The following CFAP20DC variants were observed in gnomAD, a reference collection of about 807,000 sequenced individuals.
The protein encoded by CFAP20DC is CFAP20 domain containing, also known as protein CFAP20DC.
Under a neutral mutation model 101.7 loss-of-function variants are expected in CFAP20DC, and 84 were observed. That is an observed-to-expected ratio of 0.83 (90% CI 0.69 to 0.99). The LOEUF is 0.99. Ranked by LOEUF, CFAP20DC falls within the 50% of genes least tolerant of loss-of-function variation. CFAP20DC has a pLI of 0.00. For missense variants in CFAP20DC, 1,007 were observed against 970.3 expected, an observed-to-expected ratio of 1.04 and a Z score of -0.50; for synonymous variants, 359 against 351.2, an observed-to-expected ratio of 1.02 and a Z score of -0.25.
chr3:58,811,171 C>G (rs891884117), intron 14 of CFAP20DC, among the ~76,000 whole-genome samples: 2 of 152,078 alleles, frequency 1.3e-5, no homozygotes, highest in Non-Finnish European at 2.9e-5. Context: ...ATCAAGCTAC[C>G]AATGACTTTC....
intron 6 of CFAP20DC, among the ~76,000 whole-genome samples, chr3:58,891,422 GGGGAGA>G (rs200945396): frequency 0.87 from 115,081 of 132,476 alleles, 49,835 homozygotes; most frequent in East Asian, 0.93. Context: ...GGGAGACCGT[GGGGAGA>G]GGGAGAGGGA....
At chr3:59,038,732 C>T (rs1268457004) in intron 4 of CFAP20DC, among the ~76,000 whole-genome samples, 30 of 151,884 alleles carry the variant, frequency 2.0e-4, no homozygotes, top group Admixed American at 2.0e-3. Flanking sequence ...AGATGGTGAA[C>T]TTGATTAATA....
At chr3:58,723,025 G>T in intron 3 of CFAP20DC, among the ~76,000 whole-genome samples, 1 of 152,180 alleles carries the variant, frequency 6.6e-6, no homozygotes, top group Non-Finnish European at 1.5e-5. Context: ...CTGATCACCC[G>T]AAATACTAGT....
intron 4 of CFAP20DC, among the ~76,000 whole-genome samples, chr3:58,976,699 G>A (rs137942634): frequency 3.3e-5 from 5 of 152,302 alleles, no homozygotes; most frequent in South Asian, 4.1e-4. Context: ...TCTGTGTGGA[G>A]TCCATACATT....
downstream of CFAP20DC, among the ~76,000 whole-genome samples, chr3:58,717,195 C>A (rs116698613): frequency 6.6e-6 from 1 of 151,884 alleles, no homozygotes; most frequent in Admixed American, 6.6e-5. The surrounding 1 kb of genome is among the most constrained non-coding windows in gnomAD (Gnocchi z 4.1). Context: ...TGCCTGCAAA[C>A]TAAATTATAA....
At chr3:59,045,843 G>A (rs974469255) in intron 3 of CFAP20DC, among the ~76,000 whole-genome samples, 4 of 151,950 alleles carry the variant, frequency 2.6e-5, no homozygotes, top group African/African-American at 7.2e-5. Context: ...GCCCTGATGA[G>A]GAACCAACCT....
chr3:58,807,875 T>C (rs1469607482), intron 14 of CFAP20DC, among the ~76,000 whole-genome samples: 8 of 152,164 alleles, frequency 5.3e-5, no homozygotes, highest in African/African-American at 1.7e-4. Flanking sequence ...TTAAAGGAGC[T>C]GATGGAGCTG....
At chr3:58,870,348 G>A in intron 7 of CFAP20DC, 39 bp from the exon 8 acceptor site, 6 of 1,593,394 alleles carry the variant, frequency 3.8e-6, no homozygotes, top group Non-Finnish European at 5.2e-6. Flanking sequence ...TCCATTAATG[G>A]GTGTAATGAC....
Position 58,742,264 on chromosome 3 carries a change from T to C in CFAP20DC, c.*196A>G. 8.7e-7 allele frequency: 1 copy of C among 1,146,170 alleles called. No individual in the cohort carries two copies. Among genetic ancestry groups the C allele is most frequent in the Non-Finnish European group, 1.1e-6 (1 of 929,908 alleles). The allele number at this position is 1,146,170 out of a possible 1,614,324, so 71.0% of individuals were successfully genotyped here. ...TGCCTCTGTATTAATTTCTTCAGTT[T>C]CAAAATCATACTCATCTACAAAAGG... On this transcript the variant is annotated 3_prime_UTR_variant, in exon 17 of 17. Transcript: ENST00000482387.
chr3:58,801,476 G>C (rs1667383099), intron 15 of CFAP20DC, among the ~76,000 whole-genome samples: 1 of 152,122 alleles, frequency 6.6e-6, no homozygotes, highest in African/African-American at 2.4e-5. Flanking sequence ...GTTTTAAAAT[G>C]AGCGAAACTT....
intron 3 of CFAP20DC, among the ~76,000 whole-genome samples, chr3:59,040,971 T>C (rs1699323833): frequency 6.6e-6 from 1 of 152,060 alleles, no homozygotes; most frequent in African/African-American, 2.4e-5. Flanking sequence ...TCTAGAAATC[T>C]GACTTTACCA....
chr3:58,934,891 C>G (rs1407354110), intron 5 of CFAP20DC, among the ~76,000 whole-genome samples: 1 of 152,188 alleles, frequency 6.6e-6, no homozygotes, highest in African/African-American at 2.4e-5. Context: ...CTCACCACTC[C>G]TATTCAACAT....
At chr3:58,816,952 C>T (rs2075223302) in intron 14 of CFAP20DC, among the ~76,000 whole-genome samples, 1 of 152,186 alleles carries the variant, frequency 6.6e-6, no homozygotes, top group South Asian at 2.1e-4. Context: ...TGAGAACCAG[C>T]AGACTGCCTC....
intron 3 of CFAP20DC, among the ~76,000 whole-genome samples, chr3:58,725,059 A>T (rs1315159194): frequency 6.6e-6 from 1 of 152,242 alleles, no homozygotes; most frequent in Non-Finnish European, 1.5e-5. Flanking sequence ...CTTGGTATGT[A>T]GCAGTATTCT....
intron 4 of CFAP20DC, among the ~76,000 whole-genome samples, chr3:58,965,648 A>G (rs1419033556): frequency 1.3e-5 from 2 of 152,206 alleles, no homozygotes; most frequent in Non-Finnish European, 2.9e-5. Context: ...AACTTTTTAA[A>G]ATAATTTAAT....
At chr3:58,910,302 T>C (rs2084017922) in intron 6 of CFAP20DC, among the ~76,000 whole-genome samples, 1 of 152,318 alleles carries the variant, frequency 6.6e-6, no homozygotes, top group Non-Finnish European at 1.5e-5. Context: ...ATCTTCGAGA[T>C]ATTTTCTGAG....
At chr3:58,883,909 A>G (rs2081404165) in intron 7 of CFAP20DC, among the ~76,000 whole-genome samples, 1 of 152,238 alleles carries the variant, frequency 6.6e-6, no homozygotes, top group African/African-American at 2.4e-5. Context: ...AGTACTACTC[A>G]TTAATTTGGT....
At chr3:58,990,419 T>G (rs2092902084) in intron 4 of CFAP20DC, among the ~76,000 whole-genome samples, 1 of 152,222 alleles carries the variant, frequency 6.6e-6, no homozygotes, top group African/African-American at 2.4e-5. Flanking sequence ...ACACTGCATC[T>G]ACTGCTGCTG....
intron 12 of CFAP20DC, among the ~76,000 whole-genome samples, chr3:58,860,113 G>A (rs976187492): frequency 2.0e-5 from 3 of 148,176 alleles, no homozygotes; most frequent in Non-Finnish European, 4.4e-5. Context: ...GGAGTCGGAG[G>A]TTGCAATGAG....
Sources: allele counts gnomAD v4.1 joint callset (sites outside exome capture counted in the v4.1 genomes callset), GRCh38; gene constraint gnomAD v4.1.1; non-coding constraint Gnocchi (gnomAD v3.1); transcripts MANE v1.5; gene names NCBI Gene and HGNC (gene_info 2026-07-23, HGNC 2026-07-21).